The following NLRP14 variants were observed in gnomAD, a reference collection of about 807,000 sequenced individuals.
NLRP14 encodes the protein NLR family pyrin domain containing 14.
NLRP14 carries 105 observed loss-of-function variants against 94.7 expected under a neutral mutation model. That is an observed-to-expected ratio of 1.11 (90% CI 0.95 to 1.30). NLRP14 has a LOEUF of 1.30. NLRP14 is among the 50% of genes most tolerant of loss of function. NLRP14 has a pLI of 0.00. For synonymous variants in NLRP14, 508 were observed against 459.9 expected (o/e 1.10, Z -1.34); for missense variants, 1,362 against 1,254.1 (o/e 1.09, Z -1.30).
At chr11:7,021,878 G>C (rs1851947628) in intron 1 of NLRP14, among the ~76,000 whole-genome samples, 1 of 151,434 alleles carries the variant, frequency 6.6e-6, no homozygotes, top group African/African-American at 2.4e-5. Context: ...ACGAACACTG[G>C]AAGTGGGCTG....
At chr11:7,026,731 C>T (rs1056628131) in intron 1 of NLRP14, among the ~76,000 whole-genome samples, 2 of 146,132 alleles carry the variant, frequency 1.4e-5, no homozygotes, top group African/African-American at 5.1e-5. Context: ...GCACTATTCA[C>T]AATAGCAAAG....
rs1310209977 is a variant in NLRP14 at position 7,046,733 on chromosome 11, T to C, written c.2024T>C (p.Leu675Ser). Reference protein sequence around the residue: ...LCSVLHTNEHLRELDLYHSNL... With the variant: ...LCSVLHTNEHSRELDLYHSNL... ...TCTGTGCTTCATACAAATGAACACT[T>C]GAGAGAATTGGACCTGTACCATAGC... The change falls in exon 5 of 12, where the codon TTG becomes TCG. Residue 675 changes from leucine (L) to serine (S), a missense_variant. By Grantham distance (145) the Leu-to-Ser change is moderately radical. Coordinates refer to ENST00000299481, the MANE Select transcript of NLRP14 (RefSeq NM_176822.4). 1.6e-5 allele frequency: 25 copies of C among 1,612,688 alleles called. No individual in the cohort carries two copies. Among genetic ancestry groups the C allele is most frequent in the Non-Finnish European group, 2.0e-5 (24 of 1,178,762 alleles).
chr11:7,083,436 C>T, the NLRP14 span, among the ~76,000 whole-genome samples: 4 of 152,236 alleles, frequency 2.6e-5, no homozygotes, highest in East Asian at 1.9e-4. Flanking sequence ...TCTTCTATTC[C>T]GATTCTTTGA....
chr11:7,077,455 T>C, the NLRP14 span, among the ~76,000 whole-genome samples: 1 of 152,264 alleles, frequency 6.6e-6, no homozygotes, highest in Non-Finnish European at 1.5e-5. Context: ...GAAAAGTGGA[T>C]GCTTACCATT....
At chr11:7,076,884 A>G in the NLRP14 span, among the ~76,000 whole-genome samples, 1 of 152,216 alleles carries the variant, frequency 6.6e-6, no homozygotes, top group Admixed American at 6.5e-5. Context: ...ATAAAAATTG[A>G]TGAATGAATG....
At chr11:7,025,695 A>T (rs1852005061) in intron 1 of NLRP14, among the ~76,000 whole-genome samples, 1 of 152,192 alleles carries the variant, frequency 6.6e-6, no homozygotes, top group African/African-American at 2.4e-5. Context: ...ATGAGCAAAA[A>T]TGTCAAATAA....
At chr11:7,049,230 C>T (rs1057223420) in intron 5 of NLRP14, among the ~76,000 whole-genome samples, 2 of 152,166 alleles carry the variant, frequency 1.3e-5, no homozygotes, top group Admixed American at 1.3e-4. Context: ...CACCTGCCTC[C>T]GTATGCCTAA....
chr11:7,089,634 A>G, the NLRP14 span: 59 of 1,286,130 alleles, frequency 4.6e-5, no homozygotes, highest in Admixed American at 1.5e-3. Flanking sequence ...CCCGGCTCGC[A>G]GCAGCGGCGG....
chr11:7,034,500 C>T (rs1333394190), intron 1 of NLRP14, among the ~76,000 whole-genome samples: 1 of 152,098 alleles, frequency 6.6e-6, no homozygotes, highest in Non-Finnish European at 1.5e-5. Flanking sequence ...TGGACATCTC[C>T]AATTGTAGTA....
In NLRP14 at chr11:7,069,691, A is replaced by G. The variant is rs111610881; in HGVS notation, c.2976-595A>G. ...GCTCAGGCTGGAATGCAGTGGTGCG[A>G]TCTCAGCTCACTGCAACCTCTGCCT... On this transcript the variant is annotated intron_variant, in intron 10 of 11. Transcript: ENST00000299481. Among the ~76,000 whole-genome samples, 886 of 152,130 alleles carry G rather than the reference A, an allele frequency of 5.8e-3. 6 individuals are homozygous for G. Among genetic ancestry groups the G allele is most frequent in the African/African-American group, 0.02 (823 of 41,504 alleles).
chr11:7,046,712 T>C lies in NLRP14; in HGVS notation c.2003T>C (p.Val668Ala). 1 of 1,613,716 alleles carries C rather than the reference T, an allele frequency of 6.2e-7. No homozygotes were observed. Among genetic ancestry groups the C allele is most frequent in the Admixed American group, 1.7e-5 (1 of 60,022 alleles). Reference sequence around the variant, plus strand: ...CACTGTTGGCAAGATCTCTGTTCTGTGCTTCATACAAATGAACACTTGAGA... The same window carrying C: ...CACTGTTGGCAAGATCTCTGTTCTGCGCTTCATACAAATGAACACTTGAGA... ...ITHCWQDLCS[V>A]LHTNEHLREL... The change falls in exon 5 of 12, where the codon GTG (valine) becomes GCG (alanine). Residue 668 changes from valine (V) to alanine (A), a missense_variant. Coordinates refer to ENST00000299481, the MANE Select transcript of NLRP14 (RefSeq NM_176822.4).
intron 1 of NLRP14, among the ~76,000 whole-genome samples, chr11:7,026,234 G>T (rs2119550210): frequency 6.6e-6 from 1 of 152,234 alleles, no homozygotes; most frequent in South Asian, 2.1e-4. Context: ...CAGAATGGGA[G>T]AAAATTTTCG....
chr11:7,081,468 GTTCTTGTTTGTGTCTTT>G, the NLRP14 span, among the ~76,000 whole-genome samples: 1 of 151,898 alleles, frequency 6.6e-6, no homozygotes, highest in African/African-American at 2.4e-5. Context: ...TAGTGGAAGA[GTTCTTGTTTGTGTCTTT>G]ATGTGATTGG....
chr11:7,025,063 T>G (rs888386704), intron 1 of NLRP14, among the ~76,000 whole-genome samples: 4 of 152,250 alleles, frequency 2.6e-5, no homozygotes, highest in Non-Finnish European at 4.4e-5. Context: ...TGTTGAAAAT[T>G]TTTGAGAAGG....
intron 3 of NLRP14, among the ~76,000 whole-genome samples, chr11:7,041,678 A>T (rs1852252685): frequency 6.6e-6 from 1 of 152,212 alleles, no homozygotes; most frequent in African/African-American, 2.4e-5. Flanking sequence ...TTTTAAAAAT[A>T]AAGTAATTGT....
intron 6 of NLRP14, among the ~76,000 whole-genome samples, chr11:7,056,855 C>A (rs1390651924): frequency 1.3e-5 from 2 of 151,956 alleles, no homozygotes; most frequent in Non-Finnish European, 2.9e-5. Context: ...GCAAGCTGAG[C>A]TTTTTCAGCC....
In NLRP14 at chr11:7,055,580, G is replaced by A. The variant is rs574305637; in HGVS notation, c.2292-2097G>A. Reference sequence around the variant, plus strand: ...GGAATAGCCCCTTTTTCAGGTAATGGCAGTTTTCTGATTCTTGTTTGCTAG... The same window carrying A: ...GGAATAGCCCCTTTTTCAGGTAATGACAGTTTTCTGATTCTTGTTTGCTAG... On this transcript the variant is annotated intron_variant, in intron 6 of 11. Transcript: ENST00000299481. 2.0e-5 allele frequency among the ~76,000 whole-genome samples: 3 copies of A among 152,072 alleles called. No homozygotes were observed. The South Asian group carries it at 6.2e-4, about 32-fold the overall frequency.
chr11:7,038,165 A>G (rs1852187956), intron 1 of NLRP14, among the ~76,000 whole-genome samples: 1 of 152,142 alleles, frequency 6.6e-6, no homozygotes, highest in Admixed American at 6.5e-5. Context: ...ACAGTTAGCA[A>G]TACTTAGGAG....
intron 3 of NLRP14, 25 bp from the exon 4 acceptor site, chr11:7,042,363 T>C: frequency 1.2e-6 from 2 of 1,607,140 alleles, no homozygotes; most frequent in Non-Finnish European, 1.7e-6. Flanking sequence ...GTTTTTGTTT[T>C]TTTACCTTTG....
Sources: allele counts gnomAD v4.1 joint callset (sites outside exome capture counted in the v4.1 genomes callset), GRCh38; gene constraint gnomAD v4.1.1; transcripts MANE v1.5; gene names NCBI Gene and HGNC (gene_info 2026-07-23, HGNC 2026-07-21).